ARFGEF3: variants seen among roughly 807,000 people sequenced by gnomAD.
The protein encoded by ARFGEF3 is ARFGEF family member 3.
Under a neutral mutation model 221.7 loss-of-function variants are expected in ARFGEF3, and 96 were observed. The ratio of observed to expected loss-of-function variants is 0.43; its 90% CI spans 0.37 to 0.51. ARFGEF3 has a LOEUF of 0.51. ARFGEF3 is among the 20% of genes least tolerant of loss of function. The pLI is 0.00. For synonymous variants in ARFGEF3, 1,145 were observed against 1,126.8 expected (o/e 1.02, Z -0.32); for missense variants, 2,410 against 2,789.9 (o/e 0.86, Z 3.07).
intron 23 of ARFGEF3, among the ~76,000 whole-genome samples, 189 bp downstream of exon 23, chr6:138,307,586 G>GTCGAGCCCTGAGCATTT (rs1779749061): frequency 1.3e-5 from 2 of 152,112 alleles, no homozygotes; most frequent in African/African-American, 4.8e-5. Context: ...CCTGAGCATT[G>GTCGAGCCCTGAGCATTT]TCAGGCCCTG....
intron 2 of ARFGEF3, among the ~76,000 whole-genome samples, chr6:138,200,212 C>G (rs1777507684): frequency 6.6e-6 from 1 of 152,038 alleles, no homozygotes; most frequent in African/African-American, 2.4e-5. Flanking sequence ...ATCCCTGTAT[C>G]CCTGGTATGA....
Position 138,313,461 on chromosome 6 carries a change from C to T in ARFGEF3, c.4201-334C>T, listed in dbSNP as rs561617047. Among the ~76,000 whole-genome samples the T allele has an allele frequency of 1.8e-4, 28 of 152,316 alleles. No homozygotes were observed. The South Asian group carries it at 4.8e-3, about 26-fold the overall frequency. On this transcript the variant is annotated intron_variant, in intron 25 of 33. Coordinates refer to ENST00000251691, the MANE Select transcript of ARFGEF3 (RefSeq NM_020340.5). The stretch of plus-strand genomic sequence containing the variant: ...CAGTGAGCCCCACAGAACACTTATT[C>T]GCTTAGGCAAAAATTCTGGACATGT...
intron 17 of ARFGEF3, among the ~76,000 whole-genome samples, chr6:138,288,517 G>A (rs1294748694): frequency 1.3e-5 from 2 of 151,894 alleles, no homozygotes; most frequent in South Asian, 4.2e-4. Flanking sequence ...AAGAAACCCC[G>A]TCTCTACTAA....
At chr6:138,327,615 TC>T in intron 31 of ARFGEF3, among the ~76,000 whole-genome samples, 1 of 152,306 alleles carries the variant, frequency 6.6e-6, no homozygotes, top group Non-Finnish European at 1.5e-5. Flanking sequence ...CCATCAGTAA[TC>T]CTGACAGAAG....
At chr6:138,177,319 A>G (rs1241357573) in intron 2 of ARFGEF3, among the ~76,000 whole-genome samples, 1 of 151,970 alleles carries the variant, frequency 6.6e-6, no homozygotes, top group Admixed American at 6.6e-5. Context: ...GGGTTTCATC[A>G]TGTTGCCCAG....
intron 10 of ARFGEF3, among the ~76,000 whole-genome samples, chr6:138,256,808 A>G (rs188325041): frequency 1.1e-4 from 17 of 151,474 alleles, no homozygotes; most frequent in Admixed American, 3.9e-4. Context: ...ATTTTGAGAC[A>G]GAGTCTCACT....
In ARFGEF3 at chr6:138,209,930, G is replaced by T. The variant is rs1289836239; in HGVS notation, c.240G>T (p.Arg80Ser). 1 of 1,613,796 alleles carries T rather than the reference G, an allele frequency of 6.2e-7. No individual in the cohort carries two copies. The highest frequency in any genetic ancestry group is 1.7e-5 in the Admixed American group (1 of 60,004). Residue 80 changes from arginine (R) to serine (S), a missense_variant, in exon 4 of 34, where the codon AGG becomes AGT. Physicochemically the swap from Arg to Ser is moderately radical, Grantham distance 110. This residue lies in a region of ARFGEF3 where 570 missense variants were observed against 586.9 expected (regional missense o/e 0.97). Coordinates refer to ENST00000251691, the MANE Select transcript of ARFGEF3 (RefSeq NM_020340.5). ...TACAGAAGCTTCTGTCGGAAGAGAG[G>T]TTTGTATCCATGGAAACAGATTCTG... ...AGMQKLLSEE[R>S]FVSMETDSDE...
At chr6:138,231,365 T>C (rs1778188106) in intron 5 of ARFGEF3, among the ~76,000 whole-genome samples, 1 of 152,014 alleles carries the variant, frequency 6.6e-6, no homozygotes, top group Non-Finnish European at 1.5e-5. Flanking sequence ...ATAAAGGCAT[T>C]TGAGCTTGGT....
chr6:138,246,128 G>A (rs1212310174), intron 8 of ARFGEF3, among the ~76,000 whole-genome samples: 1 of 152,104 alleles, frequency 6.6e-6, no homozygotes, highest in Non-Finnish European at 1.5e-5. Context: ...ATCAATATCT[G>A]AGTTCACTTA....
At chr6:138,285,855 A>G (rs1377006969) in intron 14 of ARFGEF3, 91 bp from the exon 15 acceptor site, 5 of 737,548 alleles carry the variant, frequency 6.8e-6, no homozygotes, top group Admixed American at 2.1e-5. Context: ...TACAAGGGAT[A>G]TTTGTTAAAA....
intron 10 of ARFGEF3, among the ~76,000 whole-genome samples, chr6:138,257,716 G>T (rs1778711648): frequency 6.6e-6 from 1 of 152,120 alleles, no homozygotes; most frequent in Non-Finnish European, 1.5e-5. Flanking sequence ...TGGAACAGCT[G>T]CCCATTTCAG....
In ARFGEF3 at chr6:138,336,629, C is replaced by T. The variant is rs1780331134; in HGVS notation, c.*143C>T. On this transcript the variant is annotated 3_prime_UTR_variant, in exon 34 of 34. Transcript: ENST00000251691. ...GAACAGTGTTTCCTAATGTAAAAAG[C>T]CTTTCCAACCACTGATCAGCATTGG... 1.6e-6 allele frequency: 1 copy of T among 617,184 alleles called. No individual in the cohort carries two copies. The highest frequency in any genetic ancestry group is 3.2e-5 in the East Asian group (1 of 31,138). 38.2% of individuals were successfully genotyped at this position (617,184 alleles called of 1,614,324 possible).
chr6:138,173,746 G>A (rs1029362568), intron 2 of ARFGEF3, among the ~76,000 whole-genome samples: 1 of 152,110 alleles, frequency 6.6e-6, no homozygotes, highest in African/African-American at 2.4e-5. Flanking sequence ...TTACCCCAGA[G>A]CCAGCTACCT....
intron 10 of ARFGEF3, among the ~76,000 whole-genome samples, chr6:138,259,409 C>T (rs368078302): frequency 1.1e-4 from 16 of 152,276 alleles, no homozygotes; most frequent in Non-Finnish European, 1.6e-4. Flanking sequence ...TGAACAGTAA[C>T]GAAAAAGTAC....
intron 2 of ARFGEF3, among the ~76,000 whole-genome samples, chr6:138,178,554 G>A (rs6904893): frequency 0.043 from 6,590 of 152,028 alleles, 161 homozygotes; most frequent in Middle Eastern, 0.092. Flanking sequence ...TAATCCTGTC[G>A]TGAAGCTCAT....
In ARFGEF3 at chr6:138,340,514, C is replaced by T. The variant is rs923755824; in HGVS notation, c.*4028C>T. On this transcript the variant is annotated 3_prime_UTR_variant, in exon 34 of 34. Transcript: ENST00000251691. ...TTAGTATCAGTCCCATCAAGCCAAACAGAATGAAGACCTTTGATAGTAATA... is the reference window on the plus strand; with the variant it reads ...TTAGTATCAGTCCCATCAAGCCAAATAGAATGAAGACCTTTGATAGTAATA... 1 of 152,138 alleles carries T rather than the reference C, an allele frequency of 6.6e-6. No individual in the cohort carries two copies. The highest frequency in any genetic ancestry group is 1.9e-4 in the East Asian group (1 of 5,186). The allele number at this position is 152,138 out of a possible 1,614,324, so 9.4% of individuals were successfully genotyped here. A position where few individuals can be genotyped will look rare whatever the true frequency, so the allele number is the denominator to read the frequency against.
intron 8 of ARFGEF3, among the ~76,000 whole-genome samples, chr6:138,249,940 T>C (rs1054445136): frequency 6.6e-6 from 1 of 152,252 alleles, no homozygotes; most frequent in African/African-American, 2.4e-5. Flanking sequence ...CCTGGTAAGA[T>C]AGTCCCGTGC....
intron 2 of ARFGEF3, among the ~76,000 whole-genome samples, chr6:138,177,883 A>G (rs1776987205): frequency 6.6e-6 from 1 of 151,920 alleles, no homozygotes; most frequent in African/African-American, 2.4e-5. Flanking sequence ...ATTTCCTTAT[A>G]TTCGTTTTCA....
intron 4 of ARFGEF3, among the ~76,000 whole-genome samples, chr6:138,226,101 G>A (rs1204963877): frequency 5.3e-5 from 8 of 152,148 alleles, no homozygotes; most frequent in Non-Finnish European, 1.2e-4. Context: ...GATCATGGTC[G>A]CTGGACAGGG....
Sources: gnomAD v4.1 joint callset for allele counts (sites outside exome capture counted in the v4.1 genomes callset) on GRCh38, gnomAD v4.1.1 for gene constraint, gnomAD v4.1.1 regional missense constraint, MANE v1.5 for transcripts, NCBI Gene and HGNC (gene_info 2026-07-23, HGNC 2026-07-21) for gene names.